Variants in RPA1 observed in about 807,000 individuals in gnomAD.
The protein encoded by RPA1 is replication protein A 70 kDa DNA-binding subunit.
Under a neutral mutation model 83.0 loss-of-function variants are expected in RPA1, and 49 were observed. The ratio of observed to expected loss-of-function variants is 0.59; its 90% CI spans 0.47 to 0.75. The LOEUF is 0.75. Among genes scored for constraint, RPA1 ranks in the 30% least tolerant of loss-of-function variants. RPA1 has a pLI of 0.00. For synonymous variants in RPA1, 279 were observed against 281.8 expected, an observed-to-expected ratio of 0.99 and a Z score of 0.10; for missense variants, 693 against 776.1, an observed-to-expected ratio of 0.89 and a Z score of 1.27.
intron 1 of RPA1, among the ~76,000 whole-genome samples, chr17:1,838,943 C>T (rs180745667): frequency 3.3e-5 from 5 of 152,044 alleles, no homozygotes; most frequent in African/African-American, 7.2e-5. Flanking sequence ...CTCCACCTCC[C>T]GGATTCACAG....
intron 13 of RPA1, among the ~76,000 whole-genome samples, chr17:1,887,987 A>G (rs541324029): frequency 6.6e-6 from 1 of 152,308 alleles, no homozygotes; most frequent in African/African-American, 2.4e-5. Context: ...GCTATTGGGA[A>G]AATAGTGCAT....
In RPA1 at chr17:1,880,606, T is replaced by A; in HGVS notation, c.1156T>A (p.Phe386Ile). Residue 386 changes from phenylalanine to isoleucine, a missense_variant, in exon 12 of 17, where the codon TTC becomes ATC. Transcript: ENST00000254719. ...LAIKGARVSDFGGRSLSVLSS... is the reference protein window; with the variant it reads ...LAIKGARVSDIGGRSLSVLSS... ...TATCAAAGGAGCCCGAGTCTCTGAT[T>A]TCGGTGGACGGAGCCTCTCCGTGCT... The A allele has an allele frequency of 6.2e-7, 1 of 1,614,098 alleles. No homozygotes were observed.
intron 1 of RPA1, among the ~76,000 whole-genome samples, chr17:1,833,683 T>G (rs1911705244): frequency 6.6e-6 from 1 of 151,846 alleles, no homozygotes. Context: ...GGAGAAACTC[T>G]GTCTCTATTA....
chr17:1,888,729 AT>A lies in RPA1; in HGVS notation c.1430del (p.Met477SerfsTer14). On this transcript the variant is annotated frameshift_variant, in exon 14 of 17. Transcript: ENST00000254719. LOFTEE classifies it high-confidence loss of function. ...TVVYLRKENC[M>X]YQACPTQDCN... ...GGTGTATCTTCGCAAAGAGAACTGC[AT>A]GTACCAAGCCTGCCCGACTCAGGAC... The A allele has an allele frequency of 6.2e-7, 1 of 1,614,250 alleles. No individual in the cohort carries two copies. The highest frequency in any genetic ancestry group is 8.5e-7 in the Non-Finnish European group (1 of 1,180,040).
chr17:1,877,292 C>T lies in RPA1; in HGVS notation c.668C>T (p.Ser223Phe). 6.2e-7 allele frequency: 1 copy of T among 1,614,082 alleles called. No individual in the cohort carries two copies. Among genetic ancestry groups the T allele is most frequent in the Non-Finnish European group, 8.5e-7 (1 of 1,179,998 alleles). ...TCCCGAGGGGAAGGGAAGCTTTTCT[C>T]CCTAGAACTGGTTGACGAAAGTGTG... is the stretch of plus-strand genomic sequence containing the variant. ...SNSRGEGKLF[S>F]LELVDESGEI... Residue 223 changes from serine (S) to phenylalanine (F), a missense_variant, in exon 8 of 17, where the codon TCC becomes TTC. Transcript: ENST00000254719.
intron 1 of RPA1, among the ~76,000 whole-genome samples, chr17:1,831,109 C>T (rs1444758056): frequency 3.9e-5 from 6 of 152,122 alleles, no homozygotes; most frequent in African/African-American, 1.2e-4. Context: ...GTCAGTTGCT[C>T]ACAAATTTCT....
At chr17:1,879,492 G>T in intron 10 of RPA1, 68 bp from the exon 11 acceptor site, 1 of 1,612,112 alleles carries the variant, frequency 6.2e-7, no homozygotes, top group South Asian at 1.1e-5. Context: ...AGTGCTTGCC[G>T]TTCATCATTT....
chr17:1,879,596 C>A lies in RPA1; in HGVS notation c.989C>A (p.Thr330Asn), dbSNP rs1376312982. 7 of 1,614,218 alleles carry A rather than the reference C, an allele frequency of 4.3e-6. No individual in the cohort carries two copies. The South Asian group carries it at 7.7e-5, about 18-fold the overall frequency. The change falls in exon 11 of 17, where the codon ACT becomes AAT. Residue 330 changes from threonine (T) to asparagine (N), a missense_variant. Transcript: ENST00000254719. Reference protein sequence around the residue: ...IGICKSYEDATKITVRSNNRE... With the variant: ...IGICKSYEDANKITVRSNNRE... Reference sequence around the variant, plus strand: ...ATCTGCAAGAGCTATGAAGACGCCACTAAAATCACAGTGAGGTCTAACAAC... The same window carrying A: ...ATCTGCAAGAGCTATGAAGACGCCAATAAAATCACAGTGAGGTCTAACAAC...
At chr17:1,834,018 T>C (rs1911716576) in intron 1 of RPA1, among the ~76,000 whole-genome samples, 1 of 152,094 alleles carries the variant, frequency 6.6e-6, no homozygotes, top group Non-Finnish European at 1.5e-5. Flanking sequence ...CCTGGTCTAC[T>C]AAAAATACAA....
rs139053220 is a variant in RPA1 at position 1,868,661 on chromosome 17, C to T, written c.362-3773C>T. On this transcript the variant is annotated intron_variant, in intron 5 of 16. Coordinates refer to ENST00000254719, the MANE Select transcript of RPA1 (RefSeq NM_002945.5). ...TGGCGGGTACCTGTAATCCCAGCTA[C>T]TTGGGAGACTGAGGTTGCAGTGAGT... Among the ~76,000 whole-genome samples the T allele has an allele frequency of 8.9e-3, 1,348 of 152,184 alleles. 23 individuals carry two copies. Among genetic ancestry groups the T allele is most frequent in the African/African-American group, 0.031 (1,271 of 41,506 alleles).
chr17:1,836,513 C>T (rs146269425), intron 1 of RPA1, among the ~76,000 whole-genome samples: 247 of 152,302 alleles, frequency 1.6e-3, no homozygotes, highest in Middle Eastern at 6.8e-3. Flanking sequence ...TCCATCAACG[C>T]ACAACTCCTC....
chr17:1,863,006 C>T (rs1424245895), intron 5 of RPA1, among the ~76,000 whole-genome samples: 1 of 151,684 alleles, frequency 6.6e-6, no homozygotes, highest in East Asian at 2.0e-4. Flanking sequence ...GCGTGAGCCA[C>T]CGTGCCCGGC....
intron 6 of RPA1, 145 bp downstream of exon 6, chr17:1,872,671 T>G: frequency 8.3e-6 from 10 of 1,207,852 alleles, no homozygotes; most frequent in Non-Finnish European, 1.1e-5. Context: ...TGATTCATAT[T>G]TTAGAGTATG....
At chr17:1,866,808 T>C (rs749566506) in intron 5 of RPA1, among the ~76,000 whole-genome samples, 18 of 152,262 alleles carry the variant, frequency 1.2e-4, no homozygotes, top group Admixed American at 2.0e-4. Context: ...TTCTGTCTTA[T>C]ACTGTTGTGG....
At chr17:1,831,960 C>G (rs966571536) in intron 1 of RPA1, among the ~76,000 whole-genome samples, 20 of 126,024 alleles carry the variant, frequency 1.6e-4, no homozygotes, top group African/African-American at 5.3e-4. Flanking sequence ...CATACCCCCC[C>G]ACTACCGCCC....
At chr17:1,834,518 C>G (rs1195872519) in intron 1 of RPA1, among the ~76,000 whole-genome samples, 1 of 152,162 alleles carries the variant, frequency 6.6e-6, no homozygotes, top group African/African-American at 2.4e-5. Context: ...CATTTTCGTT[C>G]AAAAGACACA....
chr17:1,861,392 C>T (rs1912962183), intron 5 of RPA1, among the ~76,000 whole-genome samples: 1 of 152,126 alleles, frequency 6.6e-6, no homozygotes, highest in Non-Finnish European at 1.5e-5. Flanking sequence ...ATGCGTCTCA[C>T]GTATTTTCTC....
chr17:1,897,008 A>C lies in RPA1; in HGVS notation c.1747-63A>C, dbSNP rs1048289361. The C allele has an allele frequency of 1.2e-5, 16 of 1,385,652 alleles. No individual in the cohort carries two copies. In the African/African-American group the frequency reaches 2.0e-4, roughly 17 times the overall value. 85.8% of individuals were successfully genotyped at this position (1,385,652 alleles called of 1,614,324 possible). A position where few individuals can be genotyped will look rare whatever the true frequency, so the allele number is the denominator to read the frequency against. On this transcript the variant is annotated intron_variant, in intron 16 of 16. Coordinates refer to ENST00000254719, the MANE Select transcript of RPA1 (RefSeq NM_002945.5). ...GGGCTCACTGAAACCACTGAAGCAA[A>C]AGGGGTTTCACTGCTCCACACCACA...
chr17:1,867,844 C>G (rs148988554), intron 5 of RPA1, among the ~76,000 whole-genome samples: 243 of 151,302 alleles, frequency 1.6e-3, no homozygotes, highest in African/African-American at 5.3e-3. Context: ...TTTGGGAGGT[C>G]GAGGCAGGAG....
Sources: gnomAD v4.1 joint callset for allele counts (sites outside exome capture counted in the v4.1 genomes callset) on GRCh38, gnomAD v4.1.1 for gene constraint, MANE v1.5 for transcripts, NCBI Gene and HGNC (gene_info 2026-07-23, HGNC 2026-07-21) for gene names.